Variants in KCNMB2 observed in about 807,000 individuals in gnomAD.
The protein encoded by KCNMB2 is potassium calcium-activated channel subfamily M regulatory beta subunit 2, also known as calcium-activated potassium channel subunit beta-2.
In KCNMB2, 9 loss-of-function variants were observed where a neutral mutation model predicts 24.5. The ratio of observed to expected loss-of-function variants is 0.37; its 90% CI spans 0.22 to 0.64. KCNMB2 has a LOEUF of 0.64. Ranked by LOEUF, KCNMB2 falls within the 30% of genes least tolerant of loss-of-function variation. The probability of loss-of-function intolerance (pLI) is 0.63; values close to 1 mark genes in which losing one functional copy is unlikely to be tolerated. For synonymous variants in KCNMB2, 109 were observed against 104.4 expected (o/e 1.04, Z -0.27); for missense variants, 226 against 284.3 (o/e 0.79, Z 1.47).
intron 1 of KCNMB2, among the ~76,000 whole-genome samples, chr3:178,690,976 C>G (rs1016040951): frequency 2.0e-5 from 3 of 151,984 alleles, no homozygotes; most frequent in Non-Finnish European, 2.9e-5. Context: ...CTCACTCTGC[C>G]TCCCAGGCTG....
chr3:178,836,387 C>T (rs1344689929), intron 4 of KCNMB2, among the ~76,000 whole-genome samples: 1 of 152,078 alleles, frequency 6.6e-6, no homozygotes, highest in Non-Finnish European at 1.5e-5. Flanking sequence ...CTTCATTGCC[C>T]ATGTAAGGGA....
chr3:178,679,028 TTTTGTTTG>T (rs199674737), intron 1 of KCNMB2, among the ~76,000 whole-genome samples: 1 of 147,180 alleles, frequency 6.8e-6, no homozygotes, highest in South Asian at 2.1e-4. Context: ...ATCAGTTTTT[TTTTGTTTG>T]TTTGTTTTTT....
In KCNMB2 at chr3:178,594,757, TAA is replaced by T. The variant is rs570195623; in HGVS notation, c.-68+58051_-68+58052del. Among the ~76,000 whole-genome samples the T allele has an allele frequency of 6.6e-5, 10 of 151,890 alleles. No individual in the cohort carries two copies. In the East Asian group the frequency reaches 1.9e-3, roughly 29 times the overall value. On this transcript the variant is annotated intron_variant, in intron 1 of 4. Coordinates refer to ENST00000452583, the MANE Select transcript of KCNMB2 (RefSeq NM_181361.3). ...AGCATTATTTATAAGTGAGTATAGA[TAA>T]AAAAGAGGAATGTTAACACATAAAA... is the stretch of plus-strand genomic sequence containing the variant.
At chr3:178,626,488 T>C (rs533322517) in intron 1 of KCNMB2, among the ~76,000 whole-genome samples, 1 of 152,324 alleles carries the variant, frequency 6.6e-6, no homozygotes, top group South Asian at 2.1e-4. Context: ...AGAAAGAAGA[T>C]TTAATTGACT....
chr3:178,719,917 A>G (rs1047068031), intron 1 of KCNMB2, among the ~76,000 whole-genome samples: 7 of 152,106 alleles, frequency 4.6e-5, no homozygotes, highest in Non-Finnish European at 8.8e-5. Flanking sequence ...CCACTGTCCT[A>G]AAGTTTTCCC....
chr3:178,831,229 A>G (rs749090090), intron 4 of KCNMB2, among the ~76,000 whole-genome samples: 21 of 152,118 alleles, frequency 1.4e-4, no homozygotes, highest in Admixed American at 4.6e-4. Context: ...GAAGTTATCT[A>G]TTCTGTTACT....
At chr3:178,786,951 T>C (rs1295714592) in intron 1 of KCNMB2, among the ~76,000 whole-genome samples, 4 of 152,052 alleles carry the variant, frequency 2.6e-5, no homozygotes. Context: ...CTTTCCAAAG[T>C]AGAACATAAG....
Position 178,652,579 on chromosome 3 carries a change from G to A in KCNMB2, c.-68+115868G>A, listed in dbSNP as rs111529134. On this transcript the variant is annotated intron_variant, in intron 1 of 4. Coordinates refer to ENST00000452583, the MANE Select transcript of KCNMB2 (RefSeq NM_181361.3). ...AATTTAATTAATTTAATAATGTTAC[G>A]TATTTAATATTGTAAGGTAATTTCC... 8.8e-4 allele frequency among the ~76,000 whole-genome samples: 132 copies of A among 150,804 alleles called. 1 individual carries two copies. Among genetic ancestry groups the A allele is most frequent in the African/African-American group, 2.2e-3 (90 of 41,082 alleles).
intron 1 of KCNMB2, among the ~76,000 whole-genome samples, chr3:178,582,977 G>T (rs1181930219): frequency 6.6e-6 from 1 of 152,126 alleles, no homozygotes; most frequent in East Asian, 1.9e-4. Context: ...AATATTATAT[G>T]TAAAACTTCT....
Position 178,842,815 on chromosome 3 carries a change from C to T in KCNMB2, c.586C>T (p.Leu196=), listed in dbSNP as rs764089791. Residue 196 remains leucine, a synonymous_variant, in exon 5 of 5, where the codon CTG becomes TTG. Coordinates refer to ENST00000452583, the MANE Select transcript of KCNMB2 (RefSeq NM_181361.3). The part of the protein sequence containing the change: ...ILTKLYSSNV[L]FHSLFWPTCM... The stretch of plus-strand genomic sequence containing the variant: ...AACAAAACTCTACAGTTCCAACGTG[C>T]TGTTCCATTCACTCTTCTGGCCAAC... 3 of 1,613,950 alleles carry T rather than the reference C, an allele frequency of 1.9e-6. No homozygotes were observed. The highest frequency in any genetic ancestry group is 3.3e-5 in the Admixed American group (2 of 60,012).
chr3:178,643,416 T>C (rs971798644), intron 1 of KCNMB2, among the ~76,000 whole-genome samples: 1 of 152,186 alleles, frequency 6.6e-6, no homozygotes, highest in Non-Finnish European at 1.5e-5. Flanking sequence ...TACATGCATG[T>C]ATAACTGCTG....
intron 1 of KCNMB2, among the ~76,000 whole-genome samples, chr3:178,541,527 T>C (rs537531527): frequency 7.1e-4 from 108 of 152,360 alleles, no homozygotes; most frequent in African/African-American, 2.3e-3. Context: ...TCTCATGGTC[T>C]GTTAAACAGT....
At position 178,829,833 on chromosome 3, in the gene KCNMB2, C is replaced by A. The variant is rs1025156914; in HGVS notation, c.423+1460C>A. Among the ~76,000 whole-genome samples the A allele has an allele frequency of 5.3e-5, 8 of 152,236 alleles. No homozygotes were observed. The East Asian group carries it at 1.2e-3, about 22-fold the overall frequency. On this transcript the variant is annotated intron_variant, in intron 4 of 4. Transcript: ENST00000452583. ...CCCAGATATGTATTCAGGACTGGTACCTTATTTGCTCTCAGCATAATACTA... is the reference window on the plus strand; with the variant it reads ...CCCAGATATGTATTCAGGACTGGTAACTTATTTGCTCTCAGCATAATACTA...
chr3:178,538,692 A>T (rs1040395211), intron 1 of KCNMB2, among the ~76,000 whole-genome samples: 2 of 152,202 alleles, frequency 1.3e-5, no homozygotes, highest in African/African-American at 2.4e-5. Flanking sequence ...CAGATTGATG[A>T]GGAAAAAGTT....
At chr3:178,726,118 T>C (rs1184585556) in intron 1 of KCNMB2, among the ~76,000 whole-genome samples, 1 of 151,942 alleles carries the variant, frequency 6.6e-6, no homozygotes, top group African/African-American at 2.4e-5. Context: ...CTTTTAAAGA[T>C]TACAGTCTAC....
At chr3:178,757,526 C>A (rs1426093161) in intron 1 of KCNMB2, among the ~76,000 whole-genome samples, 2 of 32,262 alleles carry the variant, frequency 6.2e-5, no homozygotes, top group Non-Finnish European at 5.3e-5. Context: ...GTATATATAT[C>A]CAAGAGGATA....
chr3:178,618,722 C>G (rs1289018980), intron 1 of KCNMB2, among the ~76,000 whole-genome samples: 2 of 152,122 alleles, frequency 1.3e-5, no homozygotes, highest in Non-Finnish European at 2.9e-5. Context: ...CTTTTTATAG[C>G]CTTTTACTTA....
At chr3:178,621,511 T>C (rs1337991473) in intron 1 of KCNMB2, among the ~76,000 whole-genome samples, 3 of 152,206 alleles carry the variant, frequency 2.0e-5, no homozygotes, top group Non-Finnish European at 2.9e-5. Context: ...TTGTTCATTA[T>C]TTCTTTGGGT....
intron 1 of KCNMB2, among the ~76,000 whole-genome samples, chr3:178,671,069 A>G (rs1720881733): frequency 6.6e-6 from 1 of 152,026 alleles, no homozygotes; most frequent in Admixed American, 6.6e-5. Flanking sequence ...AACTCTTGAA[A>G]GTCAAACACC....
Sources: gnomAD v4.1 joint callset for allele counts (sites outside exome capture counted in the v4.1 genomes callset) on GRCh38, gnomAD v4.1.1 for gene constraint, MANE v1.5 for transcripts, NCBI Gene and HGNC (gene_info 2026-07-23, HGNC 2026-07-21) for gene names.